The following ITPR2 variants were observed in gnomAD, a reference collection of about 807,000 sequenced individuals.
ITPR2 encodes inositol 1,4,5-trisphosphate receptor type 2, also known as inositol 1,4,5-trisphosphate-gated calcium channel ITPR2.
ITPR2 carries 207 observed loss-of-function variants against 317.1 expected under a neutral mutation model. The ratio of observed to expected loss-of-function variants is 0.65; its 90% CI spans 0.58 to 0.73. The LOEUF (loss-of-function observed/expected upper bound fraction) is 0.73. Ranked by LOEUF, ITPR2 falls within the 30% of genes least tolerant of loss-of-function variation. The probability of loss-of-function intolerance (pLI) is 0.00; values close to 1 mark genes in which losing one functional copy is unlikely to be tolerated. For missense variants in ITPR2, 2,613 were observed against 3,284.0 expected, an observed-to-expected ratio of 0.80 and a Z score of 4.99; for synonymous variants, 1,156 against 1,149.1, an observed-to-expected ratio of 1.01 and a Z score of -0.12.
intron 55 of ITPR2, among the ~76,000 whole-genome samples, chr12:26,348,865 A>G (rs1938388988): frequency 1.3e-5 from 2 of 152,108 alleles, no homozygotes; most frequent in South Asian, 2.1e-4. Flanking sequence ...GTGCACACCT[A>G]TAGTCCATCT....
At chr12:26,661,520 G>A (rs1024933411) in intron 15 of ITPR2, among the ~76,000 whole-genome samples, 4 of 152,192 alleles carry the variant, frequency 2.6e-5, no homozygotes, top group Admixed American at 1.3e-4. Flanking sequence ...AAAGCACAGG[G>A]CTATAGAAAA....
At chr12:26,624,152 C>T in intron 24 of ITPR2, 147 bp downstream of exon 24, 4 of 575,936 alleles carry the variant, frequency 6.9e-6, no homozygotes, top group Non-Finnish European at 1.2e-5. Flanking sequence ...AGTAAATTAG[C>T]AGCTTCATTT....
At chr12:26,626,075 C>T (rs541501318) in intron 23 of ITPR2, among the ~76,000 whole-genome samples, 1 of 152,302 alleles carries the variant, frequency 6.6e-6, no homozygotes, top group East Asian at 1.9e-4. Context: ...AATCCTCCTG[C>T]CTCAGCCTCC....
chr12:26,544,005 C>T (rs886985131), intron 37 of ITPR2, among the ~76,000 whole-genome samples: 4 of 152,044 alleles, frequency 2.6e-5, no homozygotes, highest in African/African-American at 9.7e-5. Flanking sequence ...ATCACAGTCA[C>T]CTAAACAAAC....
intron 1 of ITPR2, among the ~76,000 whole-genome samples, chr12:26,816,974 T>A (rs1950866762): frequency 6.6e-6 from 1 of 150,868 alleles, no homozygotes; most frequent in Non-Finnish European, 1.5e-5. Context: ...GGTCAGGAGA[T>A]CAAGACCATC....
intron 2 of ITPR2, among the ~76,000 whole-genome samples, chr12:26,785,242 C>T (rs1215359621): frequency 2.8e-5 from 1 of 36,150 alleles, no homozygotes; most frequent in Admixed American, 3.5e-4. Context: ...GCCCGGCCGC[C>T]CCTACTGGGA....
intron 45 of ITPR2, among the ~76,000 whole-genome samples, chr12:26,455,226 C>T (rs185503743): frequency 2.0e-4 from 30 of 151,226 alleles, no homozygotes; most frequent in African/African-American, 7.3e-4. Flanking sequence ...GAACTTTAAG[C>T]TCGATTGCTT....
At chr12:26,665,802 A>G in intron 14 of ITPR2, 108 bp downstream of exon 14, 1 of 959,644 alleles carries the variant, frequency 1.0e-6, no homozygotes. Context: ...TCAGCCACTA[A>G]GTTTTGGGAT....
At chr12:26,611,656 A>G (rs570086959) in intron 26 of ITPR2, among the ~76,000 whole-genome samples, 3 of 152,318 alleles carry the variant, frequency 2.0e-5, no homozygotes, top group East Asian at 3.9e-4. Flanking sequence ...TAGAGAAACA[A>G]AATCACTGTA....
At chr12:26,656,591 G>A (rs972125845) in intron 18 of ITPR2, 43 bp from the exon 19 acceptor site, 2 of 1,601,694 alleles carry the variant, frequency 1.2e-6, no homozygotes, top group East Asian at 2.2e-5. Flanking sequence ...TTATCTCAAG[G>A]AAATCTTTAA....
In ITPR2 at chr12:26,782,043, G is replaced by T. The variant is rs1482001371; in HGVS notation, c.163+8114C>A. Among the ~76,000 whole-genome samples, 491 of 56,802 alleles carry T rather than the reference G, an allele frequency of 8.6e-3. 6 individuals carry two copies. The highest frequency in any genetic ancestry group is 0.019 in the Middle Eastern group (3 of 156). 37.3% of individuals were successfully genotyped at this position (56,802 alleles called of 152,430 possible). A position where few individuals can be genotyped will look rare whatever the true frequency, so the allele number is the denominator to read the frequency against. ...ATATATATATATATATGTATAGAGA[G>T]AGAGAGAGAGAGAGAGAGAGAGAGA... On this transcript the variant is annotated intron_variant, in intron 2 of 56. Coordinates refer to ENST00000381340, the MANE Select transcript of ITPR2 (RefSeq NM_002223.4).
chr12:26,434,632 A>G (rs1941304973), intron 48 of ITPR2, among the ~76,000 whole-genome samples: 1 of 152,174 alleles, frequency 6.6e-6, no homozygotes, highest in African/African-American at 2.4e-5. Flanking sequence ...ACATGCTTCC[A>G]ATCCACGGAG....
chr12:26,349,945 A>T (rs572255653), intron 55 of ITPR2, among the ~76,000 whole-genome samples: 5 of 152,240 alleles, frequency 3.3e-5, no homozygotes, highest in Non-Finnish European at 7.3e-5. Context: ...GGTATACAAT[A>T]AAAAAGCTAC....
Position 26,427,970 on chromosome 12 carries a change from G to C in ITPR2, c.6888C>G (p.Leu2296=), listed in dbSNP as rs1412704749. 1 of 1,612,812 alleles carries C rather than the reference G, an allele frequency of 6.2e-7. No homozygotes were observed. The highest frequency in any genetic ancestry group is 1.1e-5 in the South Asian group (1 of 90,926). Residue 2296 remains leucine (L), a synonymous_variant, in exon 49 of 57, where the codon CTC becomes CTG. Transcript: ENST00000381340. ...GIRPFLVSIM[L]RSIYTIGLGP... The stretch of plus-strand genomic sequence containing the variant: ...CAAGACCTATTGTATATATTGATCT[G>C]AGCATTATTGATACAAGAAACGGCC...
chr12:26,480,927 T>C (rs945019851), intron 43 of ITPR2, among the ~76,000 whole-genome samples: 4 of 152,202 alleles, frequency 2.6e-5, no homozygotes, highest in East Asian at 1.9e-4. Flanking sequence ...CTTGGAAAAC[T>C]TCCAGGAAAG....
At chr12:26,810,982 A>G (rs1221771830) in intron 1 of ITPR2, among the ~76,000 whole-genome samples, 1 of 149,674 alleles carries the variant, frequency 6.7e-6, no homozygotes, top group Non-Finnish European at 1.5e-5. Flanking sequence ...GTTTTTTTAA[A>G]CAAACAATGA....
intron 32 of ITPR2, among the ~76,000 whole-genome samples, chr12:26,585,924 T>C (rs1438466772): frequency 6.6e-6 from 1 of 152,228 alleles, no homozygotes. Flanking sequence ...AATTGGATCT[T>C]ATTTTTTGTG....
intron 32 of ITPR2, among the ~76,000 whole-genome samples, chr12:26,589,365 G>A (rs1945626032): frequency 6.6e-6 from 1 of 152,082 alleles, no homozygotes; most frequent in South Asian, 2.1e-4. Context: ...GGTGACTTTA[G>A]ACAGCTTTAC....
In ITPR2 at chr12:26,494,191, C is replaced by T. The variant is rs1942878974; in HGVS notation, c.5332G>A (p.Gly1778Ser). ...TTTCCTCCTTCAAGCAAGGCAATGC[C>T]GAGGAAAATGCCTTCTGAAAAAATT... is the stretch of plus-strand genomic sequence containing the variant. The part of the protein sequence containing the change: ...DRIFSEGIFL[G>S]IALLEGGNTQ... Residue 1778 changes from glycine to serine, a missense_variant, in exon 39 of 57, where the codon GGC (glycine) becomes AGC (serine). This residue lies in a region of ITPR2 where 926 missense variants were observed against 1,072.8 expected (regional missense o/e 0.86). Transcript: ENST00000381340. The T allele has an allele frequency of 5.0e-6, 8 of 1,612,696 alleles. No homozygotes were observed. The highest frequency in any genetic ancestry group is 6.8e-6 in the Non-Finnish European group (8 of 1,179,410).
Sources: gnomAD v4.1 joint callset for allele counts (sites outside exome capture counted in the v4.1 genomes callset) on GRCh38, gnomAD v4.1.1 for gene constraint, gnomAD v4.1.1 regional missense constraint, MANE v1.5 for transcripts, NCBI Gene and HGNC (gene_info 2026-07-23, HGNC 2026-07-21) for gene names.